Variants in CC2D2B observed in about 807,000 individuals in gnomAD.
The protein encoded by CC2D2B is coiled-coil and C2 domain containing 2B, also known as protein CC2D2B.
A neutral mutation model predicts 161.2 loss-of-function variants in CC2D2B; 128 were observed. The ratio of observed to expected loss-of-function variants is 0.79; its 90% CI spans 0.69 to 0.92. CC2D2B has a LOEUF of 0.92. Ranked by LOEUF, CC2D2B falls within the 40% of genes least tolerant of loss-of-function variation. CC2D2B has a pLI of 0.00. For missense variants in CC2D2B, 1,173 were observed against 1,375.1 expected (o/e 0.85, Z 2.32); for synonymous variants, 391 against 449.8 (o/e 0.87, Z 1.65).
chr10:95,993,944 A>ATG (rs1298829808), intron 22 of CC2D2B, among the ~76,000 whole-genome samples: 10 of 23,042 alleles, frequency 4.3e-4, no homozygotes, highest in Admixed American at 1.0e-3. Context: ...GTGTGTGTGT[A>ATG]TGTATGTGTA....
chr10:95,933,365 T>G (rs1391224922), intron 6 of CC2D2B, among the ~76,000 whole-genome samples: 2 of 152,156 alleles, frequency 1.3e-5, no homozygotes, highest in African/African-American at 4.8e-5. Flanking sequence ...ATTACCCACC[T>G]TCTGAAGCCT....
At chr10:95,930,017 C>T (rs2098547013) in intron 6 of CC2D2B, among the ~76,000 whole-genome samples, 1 of 152,192 alleles carries the variant, frequency 6.6e-6, no homozygotes, top group Non-Finnish European at 1.5e-5. Flanking sequence ...TTGATTCTTC[C>T]TATCCATGAG....
At chr10:96,030,698 C>T (rs1241484408) in intron 34 of CC2D2B, among the ~76,000 whole-genome samples, 1 of 152,146 alleles carries the variant, frequency 6.6e-6, no homozygotes, top group Non-Finnish European at 1.5e-5. Context: ...ATATATAATA[C>T]ACCTTCTTGC....
chr10:95,990,166 C>G (rs1466866977), intron 20 of CC2D2B, among the ~76,000 whole-genome samples: 1 of 151,982 alleles, frequency 6.6e-6, no homozygotes, highest in Non-Finnish European at 1.5e-5. Flanking sequence ...AGTATATATT[C>G]TATAAGTCAG....
chr10:95,969,455 A>G (rs1364613764), intron 15 of CC2D2B, among the ~76,000 whole-genome samples: 1 of 152,102 alleles, frequency 6.6e-6, no homozygotes, highest in Non-Finnish European at 1.5e-5. Context: ...GAGACAACAA[A>G]CGAGTCTAGA....
chr10:95,996,836 A>G lies in CC2D2B; in HGVS notation c.2849+584A>G, dbSNP rs11188549. ...TCATGTGTTGAAAACTTAACTCCCA[A>G]TGCTGGGAAGTGAGGCCTAATGGGA... On this transcript the variant is annotated intron_variant, in intron 24 of 34. Transcript: ENST00000646931. Among the ~76,000 whole-genome samples, 8,650 of 152,258 alleles carry G rather than the reference A, an allele frequency of 0.057. 1,156 individuals carry two copies. In the East Asian group the frequency reaches 0.57, roughly 10 times the overall value.
chr10:95,945,404 T>C (rs2076162186), intron 9 of CC2D2B, among the ~76,000 whole-genome samples: 1 of 152,348 alleles, frequency 6.6e-6, no homozygotes, highest in South Asian at 2.1e-4. Context: ...GTTGTATGCA[T>C]ATCAGAGTCC....
intron 9 of CC2D2B, among the ~76,000 whole-genome samples, chr10:95,947,082 A>AAAAAAAATATATATAT (rs1467752343): frequency 5.1e-5 from 2 of 39,482 alleles, no homozygotes; most frequent in African/African-American, 8.9e-5. Flanking sequence ...TGGACTCAAA[A>AAAAAAAATATATATAT]ATATATATAT....
intron 34 of CC2D2B, among the ~76,000 whole-genome samples, chr10:96,031,447 G>A (rs1031106188): frequency 2.0e-5 from 3 of 152,104 alleles, no homozygotes; most frequent in African/African-American, 4.8e-5. Flanking sequence ...AAACTGAATC[G>A]ATGTTGAATA....
intron 17 of CC2D2B, among the ~76,000 whole-genome samples, chr10:95,979,757 A>C (rs2077444446): frequency 6.6e-6 from 1 of 152,258 alleles, no homozygotes. Context: ...CAGCCAATTA[A>C]AACATGCAAT....
chr10:95,924,349 A>T lies in CC2D2B; in HGVS notation c.133A>T (p.Thr45Ser). The T allele has an allele frequency of 6.5e-7, 1 of 1,527,734 alleles. No homozygotes were observed. Among genetic ancestry groups the T allele is most frequent in the Non-Finnish European group, 8.8e-7 (1 of 1,135,978 alleles). The allele number at this position is 1,527,734 out of a possible 1,614,324, so 94.6% of individuals were successfully genotyped here. ...DAEENQNVAKTLRGKVREKLK... is the reference protein window; with the variant it reads ...DAEENQNVAKSLRGKVREKLK... ...AGAAGAAAATCAAAATGTAGCAAAG[A>T]CATTGAGAGGCAAAGTGAGAGAAAA... Residue 45 changes from threonine (T) to serine (S), a missense_variant, in exon 4 of 35, where the codon ACA (threonine) becomes TCA (serine). Physicochemically the swap from Thr to Ser is moderately conservative, Grantham distance 58. This residue lies in a region of CC2D2B where 298 missense variants were observed against 261.2 expected (regional missense o/e 1.14). Coordinates refer to ENST00000646931, the MANE Select transcript of CC2D2B (RefSeq NM_001349008.3).
chr10:95,987,097 G>A (rs1048045297), intron 19 of CC2D2B, among the ~76,000 whole-genome samples: 5 of 152,028 alleles, frequency 3.3e-5, no homozygotes, highest in Admixed American at 6.6e-5. Flanking sequence ...GGCTGAGGTG[G>A]GCAGATCACA....
chr10:95,973,368 C>CT (rs1436607575), intron 16 of CC2D2B, among the ~76,000 whole-genome samples: 1 of 152,150 alleles, frequency 6.6e-6, no homozygotes, highest in Non-Finnish European at 1.5e-5. Flanking sequence ...GAAAGAACAG[C>CT]TTGCTGGCCT....
intron 6 of CC2D2B, among the ~76,000 whole-genome samples, chr10:95,933,888 C>G (rs940175290): frequency 7.2e-5 from 11 of 152,194 alleles, no homozygotes; most frequent in African/African-American, 2.7e-4. Flanking sequence ...GGAGTCTGTC[C>G]CTTAGCAGAG....
At position 95,982,128 on chromosome 10, in the gene CC2D2B, A is replaced by G. The variant is rs796589515; in HGVS notation, c.2082+15A>G. 1.7e-5 allele frequency: 20 copies of G among 1,203,728 alleles called. No homozygotes were observed. In the African/African-American group the frequency reaches 2.8e-4, roughly 17 times the overall value. 74.6% of individuals were successfully genotyped at this position (1,203,728 alleles called of 1,614,324 possible). A position where few individuals can be genotyped will look rare whatever the true frequency, so the allele number is the denominator to read the frequency against. Reference sequence around the variant, plus strand: ...AATCTGTTACGGTAAGTTAAAGCAAATATCAATACTGTAAACATATTCTAT... The same window carrying G: ...AATCTGTTACGGTAAGTTAAAGCAAGTATCAATACTGTAAACATATTCTAT... On this transcript the variant is annotated intron_variant, in intron 18 of 34. Coordinates refer to ENST00000646931, the MANE Select transcript of CC2D2B (RefSeq NM_001349008.3).
intron 25 of CC2D2B, among the ~76,000 whole-genome samples, chr10:96,005,162 G>A (rs962833795): frequency 1.3e-5 from 2 of 152,154 alleles, no homozygotes; most frequent in African/African-American, 2.4e-5. Flanking sequence ...AATTGGTAAC[G>A]GGTAAAGCTT....
At chr10:95,961,062 C>G (rs974395021) in intron 11 of CC2D2B, among the ~76,000 whole-genome samples, 23 of 152,164 alleles carry the variant, frequency 1.5e-4, no homozygotes, top group Non-Finnish European at 3.1e-4. Context: ...AAGGGACATG[C>G]AGCAGCTGGT....
intron 12 of CC2D2B, among the ~76,000 whole-genome samples, chr10:95,965,478 T>C (rs2076908482): frequency 6.6e-6 from 1 of 152,034 alleles, no homozygotes; most frequent in African/African-American, 2.4e-5. Context: ...ATTTACTACT[T>C]AATATCACCA....
chr10:96,032,314 T>G lies in CC2D2B; in HGVS notation c.*306T>G, dbSNP rs371910566. The stretch of plus-strand genomic sequence containing the variant: ...AAGAAGCAATTTTGGCCTCTTCTCC[T>G]AAGACCAATGTTTCTCAAATTGTAG... On this transcript the variant is annotated 3_prime_UTR_variant, in exon 35 of 35. Transcript: ENST00000646931. The G allele has an allele frequency of 7.4e-5, 20 of 270,784 alleles. No homozygotes were observed. In the East Asian group the frequency reaches 1.0e-3, roughly 14 times the overall value. The allele number at this position is 270,784 out of a possible 1,614,324, so 16.8% of individuals were successfully genotyped here.
Sources: gnomAD v4.1 joint callset for allele counts (sites outside exome capture counted in the v4.1 genomes callset) on GRCh38, gnomAD v4.1.1 for gene constraint, gnomAD v4.1.1 regional missense constraint, MANE v1.5 for transcripts, NCBI Gene and HGNC (gene_info 2026-07-23, HGNC 2026-07-21) for gene names.